The following ERCC6L2 variants were observed in gnomAD, a reference collection of about 807,000 sequenced individuals.
The protein encoded by ERCC6L2 is ERCC excision repair 6 like 2.
Under a neutral mutation model 132.0 loss-of-function variants are expected in ERCC6L2, and 77 were observed. The ratio of observed to expected loss-of-function variants is 0.58; its 90% confidence interval spans 0.49 to 0.71. The LOEUF (loss-of-function observed/expected upper bound fraction) is 0.71. Ranked by LOEUF, ERCC6L2 falls within the 30% of genes least tolerant of loss-of-function variation. The pLI is 0.00. For synonymous variants in ERCC6L2, 583 were observed against 632.4 expected, an observed-to-expected ratio of 0.92 and a Z score of 1.17; for missense variants, 1,542 against 1,837.6, an observed-to-expected ratio of 0.84 and a Z score of 2.94.
At position 95,933,699 on chromosome 9, in the gene ERCC6L2, C is replaced by A. The variant is rs562481521; in HGVS notation, c.1751+4835C>A. The stretch of plus-strand genomic sequence containing the variant: ...ATCTCTACTAAAAATACAGAATTAG[C>A]CAGGTGCAGCGGTTCATGCCTGTAG... On this transcript the variant is annotated intron_variant, in intron 11 of 18. Transcript: ENST00000653738. 6.6e-5 allele frequency among the ~76,000 whole-genome samples: 10 copies of A among 152,016 alleles called. No individual in the cohort carries two copies. In the South Asian group the frequency reaches 2.1e-3, roughly 32 times the overall value.
At chr9:95,913,521 G>A (rs1249689165) in intron 4 of ERCC6L2, among the ~76,000 whole-genome samples, 1 of 152,072 alleles carries the variant, frequency 6.6e-6, no homozygotes, top group Non-Finnish European at 1.5e-5. Context: ...TGGACTTGAG[G>A]ATTATTGAAG....
chr9:95,997,755 A>T (rs909398091), intron 17 of ERCC6L2, among the ~76,000 whole-genome samples: 1 of 152,216 alleles, frequency 6.6e-6, no homozygotes, highest in Non-Finnish European at 1.5e-5. Context: ...TTGCTGTTTC[A>T]TCGTGTTGCC....
intron 2 of ERCC6L2, among the ~76,000 whole-genome samples, chr9:95,891,434 A>G (rs1005970478): frequency 6.6e-6 from 1 of 152,236 alleles, no homozygotes; most frequent in Non-Finnish European, 1.5e-5. Context: ...CATTTAATGC[A>G]TTCAGAATGT....
intron 13 of ERCC6L2, among the ~76,000 whole-genome samples, chr9:95,961,830 G>A (rs1424545817): frequency 6.6e-6 from 1 of 152,116 alleles, no homozygotes; most frequent in East Asian, 1.9e-4. Context: ...TCACAATCAT[G>A]GCAGAAGGCA....
At chr9:96,000,110 A>G (rs1328942112) in intron 17 of ERCC6L2, among the ~76,000 whole-genome samples, 1 of 152,076 alleles carries the variant, frequency 6.6e-6, no homozygotes, top group Non-Finnish European at 1.5e-5. Context: ...GATGGTCTCG[A>G]TCTCCTGACC....
In ERCC6L2 at chr9:95,955,491, C is replaced by G. The variant is rs758806815; in HGVS notation, c.1848-423C>G. On this transcript the variant is annotated intron_variant, in intron 12 of 18. Transcript: ENST00000653738. ...TTCTGCCCCTTTGTGACCCACCTCT[C>G]CCATTCTTCCCCATCCCCTTATCCC... Among the ~76,000 whole-genome samples, 25 of 149,134 alleles carry G rather than the reference C, an allele frequency of 1.7e-4. 1 individual carries two copies. The highest frequency in any genetic ancestry group is 3.2e-4 in the Non-Finnish European group (22 of 68,014).
rs1829083234 is a variant in ERCC6L2, at chr9:95,907,182, TAATG to T, written c.703_706del (p.Glu235Ter). 6 of 1,613,436 alleles carry T rather than the reference TAATG, an allele frequency of 3.7e-6. No individual in the cohort carries two copies. The highest frequency in any genetic ancestry group is 1.3e-5 in the African/African-American group (1 of 74,890). On this transcript the variant is annotated frameshift_variant, in exon 4 of 19. Coordinates refer to ENST00000653738, the MANE Select transcript of ERCC6L2 (RefSeq NM_020207.7). LOFTEE classifies it high-confidence loss of function. ...CTGTTTTACATGGAAACAGAAAAGA[TAATG>T]AATTAATTCGTGTAAAGCAGAGGAA...
chr9:95,989,990 C>G (rs977939813), intron 17 of ERCC6L2, among the ~76,000 whole-genome samples: 10 of 152,150 alleles, frequency 6.6e-5, no homozygotes, highest in Admixed American at 2.6e-4. Context: ...CCGGACTGAC[C>G]AGGCAGACTT....
Position 95,956,836 on chromosome 9 carries a change from G to A in ERCC6L2, c.1947+823G>A, listed in dbSNP as rs548224035. Among the ~76,000 whole-genome samples, 10 of 152,258 alleles carry A rather than the reference G, an allele frequency of 6.6e-5. No homozygotes were observed. The East Asian group carries it at 1.5e-3, about 24-fold the overall frequency. ...TGTAATTCAAGATAAAATTCGGGTA[G>A]GGACACAGTGAAACCATATCAGCTA... On this transcript the variant is annotated intron_variant, in intron 13 of 18. Coordinates refer to ENST00000653738, the MANE Select transcript of ERCC6L2 (RefSeq NM_020207.7).
chr9:96,006,958 CA>C (rs1234079632), intron 18 of ERCC6L2, among the ~76,000 whole-genome samples: 1 of 152,166 alleles, frequency 6.6e-6, no homozygotes, highest in Non-Finnish European at 1.5e-5. Flanking sequence ...ACATTTTATT[CA>C]GCAAGCTTCA....
intron 11 of ERCC6L2, among the ~76,000 whole-genome samples, chr9:95,931,384 G>A (rs973377196): frequency 5.3e-5 from 8 of 152,138 alleles, no homozygotes; most frequent in Non-Finnish European, 1.2e-4. Context: ...ATAAAGAACT[G>A]TCATGTTGAA....
chr9:95,989,059 G>A (rs983318121), intron 17 of ERCC6L2, among the ~76,000 whole-genome samples: 10 of 152,170 alleles, frequency 6.6e-5, no homozygotes, highest in Non-Finnish European at 1.0e-4. Flanking sequence ...GGGGGAAGAG[G>A]TGCAGAGCTT....
At chr9:96,002,777 G>A (rs1454796762) in intron 17 of ERCC6L2, among the ~76,000 whole-genome samples, 5 of 152,102 alleles carry the variant, frequency 3.3e-5, no homozygotes, top group African/African-American at 4.8e-5. Context: ...TCTTTCTCTG[G>A]TAGTTTTTAA....
At chr9:95,993,290 A>C (rs758438384) in intron 17 of ERCC6L2, among the ~76,000 whole-genome samples, 1 of 152,192 alleles carries the variant, frequency 6.6e-6, no homozygotes, top group Non-Finnish European at 1.5e-5. Flanking sequence ...TGCTATCTGG[A>C]AAGGCTTCTA....
chr9:95,953,323 T>C (rs1489265434), intron 12 of ERCC6L2, among the ~76,000 whole-genome samples: 1 of 152,196 alleles, frequency 6.6e-6, no homozygotes, highest in Non-Finnish European at 1.5e-5. Flanking sequence ...ACGCCTGTAA[T>C]CCCAGCACTT....
rs749183035 is a variant in ERCC6L2, at chr9:95,922,301, A to G, written c.1300-4A>G. ...TTTTATTTTCTATATTTTTCTGGTT[A>G]CAGACCAATTCTCATGGTGAAACAG... On this transcript the variant is annotated splice_region_variant and splice_polypyrimidine_tract_variant and intron_variant, in intron 7 of 18. Transcript: ENST00000653738. 7.7e-5 allele frequency: 119 copies of G among 1,550,642 alleles called. No individual in the cohort carries two copies. The highest frequency in any genetic ancestry group is 1.0e-4 in the Non-Finnish European group (114 of 1,124,246).
chr9:95,975,753 T>G (rs1832641224), intron 16 of ERCC6L2, among the ~76,000 whole-genome samples: 1 of 152,134 alleles, frequency 6.6e-6, no homozygotes, highest in African/African-American at 2.4e-5. Flanking sequence ...TCACATTCTC[T>G]CAAATCTTTA....
intron 1 of ERCC6L2, chr9:95,876,852 A>T (rs751968620): frequency 5.9e-5 from 9 of 152,244 alleles, no homozygotes; most frequent in Non-Finnish European, 1.2e-4. Flanking sequence ...CTAGGAATTG[A>T]TGACGCTGTA....
rs1219633687 is a variant in ERCC6L2 at position 95,972,506 on chromosome 9, A to G, written c.2755A>G (p.Ile919Val). The change falls in exon 16 of 19, where the codon ATA becomes GTA. Residue 919 changes from isoleucine (I) to valine (V), a missense_variant. By Grantham distance (29) the Ile-to-Val change is conservative. Transcript: ENST00000653738. ...YTTERFPDNS[I>V]RFKPPLEGSE... ...AACTGAGAGATTCCCCGACAATAGT[A>G]TAAGGTTTAAGCCACCCTTGGAAGG... The G allele has an allele frequency of 3.1e-6, 4 of 1,289,986 alleles. No homozygotes were observed. Among genetic ancestry groups the G allele is most frequent in the Middle Eastern group, 2.1e-4 (1 of 4,696 alleles). The allele number at this position is 1,289,986 out of a possible 1,614,324, so 79.9% of individuals were successfully genotyped here.
Sources: gnomAD v4.1 joint callset for allele counts (sites outside exome capture counted in the v4.1 genomes callset) on GRCh38, gnomAD v4.1.1 for gene constraint, MANE v1.5 for transcripts, NCBI Gene and HGNC (gene_info 2026-07-23, HGNC 2026-07-21) for gene names.